Variants in FBXW10B observed in about 807,000 individuals in gnomAD.
The protein encoded by FBXW10B is F-box and WD repeat domain containing 10B.
chr17:15,575,650 C>G, the FBXW10B span, among the ~76,000 whole-genome samples: 1 of 148,200 alleles, frequency 6.7e-6, no homozygotes, highest in African/African-American at 2.7e-5. Context: ...GCAACCTCAG[C>G]CTTAGCCCCT....
chr17:15,603,792 G>T, the FBXW10B span, among the ~76,000 whole-genome samples: 1 of 142,332 alleles, frequency 7.0e-6, no homozygotes, highest in Non-Finnish European at 1.5e-5. Context: ...AGAAACAAGG[G>T]CTGGGCGCGG....
At chr17:15,592,301 T>TTTTG in the FBXW10B span, among the ~76,000 whole-genome samples, 4 of 147,860 alleles carry the variant, frequency 2.7e-5, no homozygotes, top group African/African-American at 1.0e-4. Flanking sequence ...CAGAGTTTTT[T>TTTTG]TTTTTTTTTT....
At chr17:15,593,583 T>C in the FBXW10B span, 1 of 1,553,456 alleles carries the variant, frequency 6.4e-7, no homozygotes. Flanking sequence ...TGTGTGTGAT[T>C]GAGCGGCACT....
the FBXW10B span, chr17:15,594,887 G>A: frequency 6.2e-7 from 1 of 1,608,552 alleles, no homozygotes; most frequent in African/African-American, 1.4e-5. Flanking sequence ...TGGCCACTGA[G>A]AGTCTGCAAG....
chr17:15,569,101 A>G, the FBXW10B span: 1 of 605,080 alleles, frequency 1.7e-6, no homozygotes, highest in Non-Finnish European at 2.4e-6. Flanking sequence ...AATAAACATG[A>G]GTACAGGTAT....
chr17:15,599,173 C>CAAAAAAAA, the FBXW10B span, among the ~76,000 whole-genome samples: 24 of 69,124 alleles, frequency 3.5e-4, no homozygotes, highest in South Asian at 1.6e-3. Flanking sequence ...GACTCTGTCT[C>CAAAAAAAA]AAAAAAAAAA....
At chr17:15,580,929 A>G in the FBXW10B span, among the ~76,000 whole-genome samples, 6 of 151,962 alleles carry the variant, frequency 3.9e-5, no homozygotes, top group Non-Finnish European at 7.4e-5. Flanking sequence ...TCTTAAGACA[A>G]CTCTATAATA....
chr17:15,616,749 C>T, the FBXW10B span, among the ~76,000 whole-genome samples: 6,331 of 144,070 alleles, frequency 0.044, 456 homozygotes, highest in African/African-American at 0.16. Flanking sequence ...GCGGAGCTTG[C>T]AGCAGTGAGC....
chr17:15,589,630 A>G, the FBXW10B span, among the ~76,000 whole-genome samples: 283 of 145,768 alleles, frequency 1.9e-3, no homozygotes, highest in African/African-American at 6.6e-3. Flanking sequence ...GTATGTCACA[A>G]CTAAATTTGT....
the FBXW10B span, among the ~76,000 whole-genome samples, chr17:15,606,794 A>C: frequency 2.0e-5 from 3 of 152,106 alleles, no homozygotes; most frequent in East Asian, 5.8e-4. Context: ...TAAAAATTCA[A>C]CTTTGCCTTT....
At chr17:15,596,943 G>A in the FBXW10B span, among the ~76,000 whole-genome samples, 1 of 151,942 alleles carries the variant, frequency 6.6e-6, no homozygotes, top group African/African-American at 2.4e-5. Flanking sequence ...AGGCCCAAGT[G>A]CTAGACAGCT....
chr17:15,585,069 G>A, the FBXW10B span, among the ~76,000 whole-genome samples: 8 of 146,354 alleles, frequency 5.5e-5, no homozygotes, highest in African/African-American at 2.0e-4. Context: ...GTTTTTTAGA[G>A]TCTCATAGGG....
the FBXW10B span, among the ~76,000 whole-genome samples, chr17:15,596,067 T>TTA: frequency 6.6e-6 from 1 of 151,984 alleles, no homozygotes; most frequent in African/African-American, 2.4e-5. Context: ...TTCTTTTTTT[T>TTA]AGTAGAGACA....
chr17:15,609,855 T>G, the FBXW10B span, among the ~76,000 whole-genome samples: 1 of 121,432 alleles, frequency 8.2e-6, no homozygotes, highest in African/African-American at 3.5e-5. Flanking sequence ...TTTCTTTCTT[T>G]TTTTTTTTTT....
At chr17:15,592,150 T>A in the FBXW10B span, among the ~76,000 whole-genome samples, 2 of 152,202 alleles carry the variant, frequency 1.3e-5, no homozygotes, top group East Asian at 3.9e-4. Flanking sequence ...GCATAAACTC[T>A]CTAGAAAAGT....
chr17:15,605,251 G>C, the FBXW10B span: 11 of 1,594,624 alleles, frequency 6.9e-6, no homozygotes, highest in East Asian at 2.0e-4. Context: ...CTCCCGCTTA[G>C]GAGAAAGTTT....
chr17:15,612,662 C>T, the FBXW10B span: 96 of 1,613,210 alleles, frequency 6.0e-5, no homozygotes, highest in African/African-American at 1.2e-4. Context: ...TAGAATGAGA[C>T]GCTCACAGCT....
the FBXW10B span, among the ~76,000 whole-genome samples, chr17:15,582,851 C>A: frequency 6.6e-6 from 1 of 151,806 alleles, no homozygotes; most frequent in African/African-American, 2.4e-5. Flanking sequence ...ATGTGCTCCA[C>A]CAATGCATTT....
At chr17:15,599,761 G>A in the FBXW10B span, among the ~76,000 whole-genome samples, 1 of 151,996 alleles carries the variant, frequency 6.6e-6, no homozygotes, top group Admixed American at 6.6e-5. Context: ...GCTTCAGCTA[G>A]GCTGCTTTTG....
Sources: gnomAD v4.1 joint callset for allele counts (sites outside exome capture counted in the v4.1 genomes callset) on GRCh38, gnomAD v4.1.1 for gene constraint, MANE v1.5 for transcripts, NCBI Gene and HGNC (gene_info 2026-07-23, HGNC 2026-07-21) for gene names.